Variants in PRDM16 observed in about 807,000 individuals in gnomAD.
PRDM16 encodes the protein PR/SET domain 16, also known as histone-lysine N-methyltransferase PRDM16.
In PRDM16, 23 loss-of-function variants were observed where a neutral mutation model predicts 110.6. The observed-to-expected ratio is 0.21, with a 90% CI of 0.15 to 0.29. PRDM16 has a LOEUF of 0.29. Ranked by LOEUF, PRDM16 falls within the 10% of genes least tolerant of loss-of-function variation. PRDM16 has a pLI of 1.00. For synonymous variants in PRDM16, 799 were observed against 781.8 expected (o/e 1.02, Z -0.37); for missense variants, 1,615 against 1,794.3 (o/e 0.90, Z 1.81).
chr1:3,421,920 A>G (rs1023773955), intron 12 of PRDM16, among the ~76,000 whole-genome samples: 2 of 53,414 alleles, frequency 3.7e-5, no homozygotes, highest in Admixed American at 3.0e-4. Context: ...AGACAGGAAG[A>G]CAGACAGGCA....
chr1:3,122,202 TC>T (rs2100664362), intron 1 of PRDM16, among the ~76,000 whole-genome samples: 1 of 152,286 alleles, frequency 6.6e-6, no homozygotes, highest in South Asian at 2.1e-4. Flanking sequence ...CCTCCCGGCC[TC>T]CCGTGCAGTG....
rs115923456 is a variant in PRDM16, at chr1:3,320,915, G to A, written c.439-64237G>A. 5.1e-3 allele frequency among the ~76,000 whole-genome samples: 779 copies of A among 152,290 alleles called. 9 individuals carry two copies. The highest frequency in any genetic ancestry group is 0.018 in the African/African-American group (732 of 41,558). On this transcript the variant is annotated intron_variant, in intron 3 of 16. Transcript: ENST00000270722. ...TGGTTTTGAGGGAGGGGGCTGGCAC[G>A]CCCTCCCTGCCCACTTGATCCAGCC... is the stretch of plus-strand genomic sequence containing the variant.
At chr1:3,084,562 G>A (rs1000745022) in intron 1 of PRDM16, among the ~76,000 whole-genome samples, 4 of 152,122 alleles carry the variant, frequency 2.6e-5, no homozygotes, top group Admixed American at 2.0e-4. Flanking sequence ...TTGCTCTGTC[G>A]CCGAAATTCG....
At chr1:3,277,648 C>T (rs1162216231) in intron 3 of PRDM16, among the ~76,000 whole-genome samples, 4 of 152,218 alleles carry the variant, frequency 2.6e-5, no homozygotes, top group African/African-American at 7.2e-5. Flanking sequence ...CTGGGCACAA[C>T]GAGGCATTGA....
At chr1:3,161,876 C>G (rs918428897) in intron 1 of PRDM16, among the ~76,000 whole-genome samples, 2 of 152,228 alleles carry the variant, frequency 1.3e-5, no homozygotes, top group African/African-American at 2.4e-5. Flanking sequence ...GTCTCCCAGG[C>G]TTCCCTAAAG....
rs576506754 is a variant in PRDM16, at chr1:3,118,004, G to A, written c.37+48708G>A. On this transcript the variant is annotated intron_variant, in intron 1 of 16. Transcript: ENST00000270722. Reference sequence around the variant, plus strand: ...TGTGTGTACATGCACGCGTGTGTGCGTGTGCGTGTGTGCATGTGTACATGC... The same window carrying A: ...TGTGTGTACATGCACGCGTGTGTGCATGTGCGTGTGTGCATGTGTACATGC... 5.0e-3 allele frequency among the ~76,000 whole-genome samples: 763 copies of A among 151,914 alleles called. 2 individuals carry two copies. The highest frequency in any genetic ancestry group is 0.011 in the South Asian group (54 of 4,792).
chr1:3,389,786 G>A (rs568523366), intron 4 of PRDM16, among the ~76,000 whole-genome samples: 106 of 152,302 alleles, frequency 7.0e-4, no homozygotes, highest in African/African-American at 2.5e-3. Context: ...TGCGGGGACC[G>A]AGCCTTTCCC....
At chr1:3,181,552 G>GTCTTA (rs755533699) in intron 1 of PRDM16, among the ~76,000 whole-genome samples, 23 of 27,464 alleles carry the variant, frequency 8.4e-4, no homozygotes, top group African/African-American at 2.4e-3. Flanking sequence ...TCTTACACAC[G>GTCTTA]CAGTCTTACA....
intron 9 of PRDM16, among the ~76,000 whole-genome samples, 160 bp from the exon 10 acceptor site, chr1:3,414,400 A>T (rs1334248590): frequency 6.6e-6 from 1 of 152,084 alleles, no homozygotes; most frequent in Non-Finnish European, 1.5e-5. Context: ...AGGCCCACAG[A>T]GGAGTCTGGT....
At chr1:3,303,675 C>T (rs1570028721) in intron 3 of PRDM16, among the ~76,000 whole-genome samples, 1 of 152,248 alleles carries the variant, frequency 6.6e-6, no homozygotes, top group Admixed American at 6.5e-5. Context: ...TTCACATTCC[C>T]ACCAGTAGTG....
chr1:3,318,070 G>T (rs1006678977), intron 3 of PRDM16, among the ~76,000 whole-genome samples: 1 of 152,178 alleles, frequency 6.6e-6, no homozygotes, highest in African/African-American at 2.4e-5. Context: ...AGCGAGCCTC[G>T]CAAAGGGTTC....
At chr1:3,414,386 C>T (rs991462831) in intron 9 of PRDM16, among the ~76,000 whole-genome samples, 174 bp from the exon 10 acceptor site, 84 of 152,130 alleles carry the variant, frequency 5.5e-4, no homozygotes, top group Admixed American at 1.0e-3. Flanking sequence ...TCCCGACATC[C>T]CCAAGGCCCA....
At chr1:3,092,259 C>T (rs542178351) in intron 1 of PRDM16, among the ~76,000 whole-genome samples, 1 of 152,266 alleles carries the variant, frequency 6.6e-6, no homozygotes, top group East Asian at 1.9e-4. Context: ...GGCAGTCCTG[C>T]AGGGAGGTGC....
rs74416674 is a variant in PRDM16, at chr1:3,295,196, C to T, written c.438+51059C>T. ...AGGTCCCTGCTCACAGAACGAGGAG[C>T]CAGGCCATTACAGCTACAGGGTATC... On this transcript the variant is annotated intron_variant, in intron 3 of 16. Transcript: ENST00000270722. Among the ~76,000 whole-genome samples the T allele has an allele frequency of 6.3e-3, 967 of 152,326 alleles. 12 individuals carry two copies. The highest frequency in any genetic ancestry group is 0.022 in the African/African-American group (914 of 41,588).
At chr1:3,072,840 G>T (rs556595597) in intron 1 of PRDM16, among the ~76,000 whole-genome samples, 3 of 152,260 alleles carry the variant, frequency 2.0e-5, no homozygotes, top group South Asian at 4.1e-4. Context: ...GGCCGCCAGG[G>T]CTTGGTGCCC....
At position 3,350,712 on chromosome 1, in the gene PRDM16, C is replaced by T. The variant is rs928047590; in HGVS notation, c.439-34440C>T. Reference sequence around the variant, plus strand: ...GGCACCATGCAGCCTCCCAGATGGCCGGGCCGGGCTGGTTCCTCCCTCCCA... The same window carrying T: ...GGCACCATGCAGCCTCCCAGATGGCTGGGCCGGGCTGGTTCCTCCCTCCCA... On this transcript the variant is annotated intron_variant, in intron 3 of 16. Coordinates refer to ENST00000270722, the MANE Select transcript of PRDM16 (RefSeq NM_022114.4). The surrounding 1 kb of genome is among the most constrained non-coding windows in gnomAD (Gnocchi z 7.1). 2.2e-4 allele frequency among the ~76,000 whole-genome samples: 34 copies of T among 152,230 alleles called. No homozygotes were observed. The highest frequency in any genetic ancestry group is 2.2e-3 in the Admixed American group (33 of 15,298).
In PRDM16 at chr1:3,411,954, C is replaced by G; in HGVS notation, c.1757C>G (p.Ser586Cys). The G allele has an allele frequency of 6.2e-7, 1 of 1,613,712 alleles. No homozygotes were observed. The part of the protein sequence containing the change: ...EEKFESRLED[S>C]CVEKLKTRSS... Reference sequence around the variant, plus strand: ...AAGTTCGAGAGCCGCCTGGAGGACTCCTGTGTGGAGAAGCTGAAGACCAGG... The same window carrying G: ...AAGTTCGAGAGCCGCCTGGAGGACTGCTGTGTGGAGAAGCTGAAGACCAGG... The change falls in exon 9 of 17, where the codon TCC (serine) becomes TGC (cysteine). Residue 586 changes from serine to cysteine, a missense_variant. Physicochemically the swap from Ser to Cys is moderately radical, Grantham distance 112 (BLOSUM62 -1). Coordinates refer to ENST00000270722, the MANE Select transcript of PRDM16 (RefSeq NM_022114.4).
intron 1 of PRDM16, among the ~76,000 whole-genome samples, chr1:3,114,183 A>ACTCG (rs1642866939): frequency 8.8e-6 from 1 of 113,904 alleles, no homozygotes; most frequent in African/African-American, 4.4e-5. Flanking sequence ...ACGCACACAC[A>ACTCG]CGCACACACG....
intron 2 of PRDM16, among the ~76,000 whole-genome samples, chr1:3,241,912 C>T (rs958951465): frequency 3.3e-5 from 5 of 152,180 alleles, no homozygotes; most frequent in African/African-American, 9.7e-5. Flanking sequence ...CGGTGGGTGG[C>T]TGGAGGGCTG....
Sources: gnomAD v4.1 joint callset for allele counts (sites outside exome capture counted in the v4.1 genomes callset) on GRCh38, gnomAD v4.1.1 for gene constraint, Gnocchi (gnomAD v3.1) non-coding constraint, MANE v1.5 for transcripts, NCBI Gene and HGNC (gene_info 2026-07-23, HGNC 2026-07-21) for gene names.